Variants in CDC14B observed in about 807,000 individuals in gnomAD.
The protein encoded by CDC14B is cell division cycle 14B.
A neutral mutation model predicts 64.2 loss-of-function variants in CDC14B; 22 were observed. That is an observed-to-expected ratio of 0.34 (90% CI 0.24 to 0.49). CDC14B has a LOEUF of 0.49. Ranked by LOEUF, CDC14B falls within the 20% of genes least tolerant of loss-of-function variation. CDC14B has a pLI of 0.99. For synonymous variants in CDC14B, 191 were observed against 215.8 expected (o/e 0.89, Z 1.01); for missense variants, 498 against 629.9 (o/e 0.79, Z 2.24).
intron 1 of CDC14B, chr9:96,567,365 G>A (rs1844151052): frequency 1.3e-5 from 2 of 152,784 alleles, no homozygotes; most frequent in African/African-American, 4.8e-5. Context: ...AGCCGCGCCA[G>A]GCCCGGGCCC....
chr9:96,551,937 G>C (rs369826726), intron 4 of CDC14B, 65 bp from the exon 5 acceptor site: 8 of 1,541,810 alleles, frequency 5.2e-6, no homozygotes, highest in African/African-American at 1.4e-5. Context: ...CTGTCACTGC[G>C]AAGTAAATTT....
At chr9:96,608,204 C>T (rs746683945) in intron 1 of CDC14B, among the ~76,000 whole-genome samples, 1 of 152,210 alleles carries the variant, frequency 6.6e-6, no homozygotes, top group Admixed American at 6.5e-5. Context: ...ATCAAACGCA[C>T]TCAAACATGT....
At chr9:96,599,380 TA>T (rs779120308) in intron 1 of CDC14B, among the ~76,000 whole-genome samples, 8,374 of 143,780 alleles carry the variant, frequency 0.058, 560 homozygotes, top group African/African-American at 0.17. Flanking sequence ...AAACTCCGTT[TA>T]AAAAAAAAAA....
chr9:96,566,853 G>C (rs760417167), intron 1 of CDC14B: 1 of 1,589,422 alleles, frequency 6.3e-7, no homozygotes, highest in Non-Finnish European at 8.6e-7. Context: ...CAGAGGCAAG[G>C]ACTGCCAGCC....
intron 9 of CDC14B, among the ~76,000 whole-genome samples, chr9:96,527,760 C>A (rs1327506403): frequency 6.6e-6 from 1 of 152,022 alleles, no homozygotes; most frequent in African/African-American, 2.4e-5. Context: ...GGACTACAGG[C>A]GCCCACCACC....
At chr9:96,545,370 T>A (rs571745672) in intron 5 of CDC14B, among the ~76,000 whole-genome samples, 4 of 148,928 alleles carry the variant, frequency 2.7e-5, no homozygotes, top group Admixed American at 6.8e-5. Flanking sequence ...CTGGAGTGAG[T>A]GCAGTGGCGC....
At chr9:96,511,682 C>T (rs906444639) in intron 12 of CDC14B, among the ~76,000 whole-genome samples, 2 of 152,182 alleles carry the variant, frequency 1.3e-5, no homozygotes, top group African/African-American at 4.8e-5. Context: ...TTCTGAGGGC[C>T]CCATGAAACT....
At chr9:96,613,419 T>C (rs1438884942) in intron 1 of CDC14B, among the ~76,000 whole-genome samples, 5 of 152,240 alleles carry the variant, frequency 3.3e-5, no homozygotes, top group Admixed American at 2.6e-4. Flanking sequence ...CTGGCATCAG[T>C]ACCATTTCTG....
At chr9:96,609,556 T>C (rs558889277) in intron 1 of CDC14B, among the ~76,000 whole-genome samples, 1 of 152,310 alleles carries the variant, frequency 6.6e-6, no homozygotes, top group Admixed American at 6.5e-5. Context: ...ATTAATTCCA[T>C]AGCACCATTC....
chr9:96,597,501 G>GAA (rs1217556598), intron 1 of CDC14B, among the ~76,000 whole-genome samples: 68 of 66,814 alleles, frequency 1.0e-3, no homozygotes, highest in African/African-American at 3.6e-3. Context: ...TTCCAAAAAA[G>GAA]AAAAAAAAAA....
At chr9:96,534,966 A>G (rs1291430028) in intron 7 of CDC14B, among the ~76,000 whole-genome samples, 4 of 152,220 alleles carry the variant, frequency 2.6e-5, no homozygotes, top group Non-Finnish European at 2.9e-5. Flanking sequence ...TCTTGACTCC[A>G]CGAATAAAGG....
At chr9:96,554,660 G>T (rs967968685) in intron 4 of CDC14B, among the ~76,000 whole-genome samples, 1 of 152,116 alleles carries the variant, frequency 6.6e-6, no homozygotes, top group Admixed American at 6.5e-5. Context: ...AGCATAACTA[G>T]ATAAACTGAA....
Position 96,619,246 on chromosome 9 carries a change from G to C in CDC14B, c.133C>G (p.Gln45Glu), listed in dbSNP as rs1847832110. The part of the protein sequence containing the change: ...TQQDPRRRDP[Q>E]DDVYLDITDR... ...GTGATGTCCAGGTACACGTCGTCCT[G>C]GGGGTCCCGGCGGCGCGGGTCTTGC... The change falls in exon 1 of 14, where the codon CAG becomes GAG. Residue 45 changes from glutamine to glutamate, a missense_variant. Coordinates refer to ENST00000375241, the MANE Select transcript of CDC14B (RefSeq NM_033331.4). 7.4e-7 allele frequency: 1 copy of C among 1,357,286 alleles called. No individual in the cohort carries two copies. Among genetic ancestry groups the C allele is most frequent in the East Asian group, 2.9e-5 (1 of 35,038 alleles). The allele number at this position is 1,357,286 out of a possible 1,614,324, so 84.1% of individuals were successfully genotyped here.
Position 96,619,258 on chromosome 9 carries a change from G to A in CDC14B, c.121C>T (p.Arg41Cys), listed in dbSNP as rs763146955. 9 of 1,360,552 alleles carry A rather than the reference G, an allele frequency of 6.6e-6. No individual in the cohort carries two copies. The allele number at this position is 1,360,552 out of a possible 1,614,324, so 84.3% of individuals were successfully genotyped here. A position where few individuals can be genotyped will look rare whatever the true frequency, so the allele number is the denominator to read the frequency against. Residue 41 changes from arginine to cysteine, a missense_variant, in exon 1 of 14, where the codon CGC (arginine) becomes TGC (cysteine). Arg to Cys is a radical substitution (Grantham distance 180). Transcript: ENST00000375241. ...IRSSTQQDPR[R>C]RDPQDDVYLD... ...TACACGTCGTCCTGGGGGTCCCGGC[G>A]GCGCGGGTCTTGCTGCGTGGAGCTG...
At chr9:96,558,773 G>T (rs903836398) in intron 4 of CDC14B, among the ~76,000 whole-genome samples, 37 of 152,176 alleles carry the variant, frequency 2.4e-4, no homozygotes, top group Non-Finnish European at 4.4e-5. Context: ...CATAGCCACT[G>T]GCTTAAATAG....
Position 96,541,503 on chromosome 9 carries a change from A to G in CDC14B, c.564+323T>C, listed in dbSNP as rs181661182. Among the ~76,000 whole-genome samples the G allele has an allele frequency of 1.1e-4, 17 of 152,374 alleles. No homozygotes were observed. The East Asian group carries it at 2.9e-3, about 26-fold the overall frequency. On this transcript the variant is annotated intron_variant, in intron 6 of 13. Coordinates refer to ENST00000375241, the MANE Select transcript of CDC14B (RefSeq NM_033331.4). The stretch of plus-strand genomic sequence containing the variant: ...AATCAAAGAGAACTTACCAGTAAAC[A>G]AGTCATCTTTACTTTTGTTCTTTTA...
At chr9:96,606,655 C>T (rs1002476582) in intron 1 of CDC14B, among the ~76,000 whole-genome samples, 7 of 151,720 alleles carry the variant, frequency 4.6e-5, no homozygotes, top group African/African-American at 1.5e-4. Context: ...CAACCTCTAC[C>T]TCCCGGGTTC....
intron 5 of CDC14B, among the ~76,000 whole-genome samples, chr9:96,550,607 ATAGTTAT>A (rs1234272215): frequency 2.0e-5 from 3 of 152,234 alleles, no homozygotes; most frequent in African/African-American, 7.2e-5. Context: ...CTAATAAGCA[ATAGTTAT>A]TATTAATTTG....
chr9:96,596,137 G>A (rs1176038270), intron 1 of CDC14B, among the ~76,000 whole-genome samples: 1 of 151,980 alleles, frequency 6.6e-6, no homozygotes, highest in Admixed American at 6.6e-5. Context: ...GCTGAGGGGG[G>A]CAGATCATGA....
Sources: allele counts gnomAD v4.1 joint callset (sites outside exome capture counted in the v4.1 genomes callset), GRCh38; gene constraint gnomAD v4.1.1; transcripts MANE v1.5; gene names NCBI Gene and HGNC (gene_info 2026-07-23, HGNC 2026-07-21).